Variants in KALRN observed in about 807,000 individuals in gnomAD.
The protein encoded by KALRN is kalirin.
A neutral mutation model predicts 353.7 loss-of-function variants in KALRN; 70 were observed. The ratio of observed to expected loss-of-function variants is 0.20; its 90% CI spans 0.16 to 0.24. The LOEUF (loss-of-function observed/expected upper bound fraction) is 0.24, where lower values mean the gene tolerates loss of function less well. KALRN is among the 10% of genes least tolerant of loss of function. The pLI is 1.00. For missense variants in KALRN, 2,791 were observed against 3,756.7 expected (o/e 0.74, Z 6.72); for synonymous variants, 1,391 against 1,434.8 (o/e 0.97, Z 0.69).
intron 10 of KALRN, among the ~76,000 whole-genome samples, chr3:124,354,098 ATAT>A (rs2149615348): frequency 6.6e-6 from 1 of 152,364 alleles, no homozygotes; most frequent in African/African-American, 2.4e-5. Context: ...AATATCCAAG[ATAT>A]TATAGAGAGC....
At chr3:124,530,048 T>C (rs1443102545) in intron 33 of KALRN, among the ~76,000 whole-genome samples, 2 of 152,114 alleles carry the variant, frequency 1.3e-5, no homozygotes, top group African/African-American at 2.4e-5. Flanking sequence ...CTCCAGGAAA[T>C]GAAAATGTGA....
chr3:124,098,182 G>A (rs1409413500), intron 1 of KALRN, among the ~76,000 whole-genome samples: 2 of 152,188 alleles, frequency 1.3e-5, no homozygotes, highest in African/African-American at 4.8e-5. Context: ...CCCAGCATGT[G>A]GGAATGTCCA....
At chr3:124,226,332 G>A (rs1223952154) in intron 1 of KALRN, among the ~76,000 whole-genome samples, 1 of 152,162 alleles carries the variant, frequency 6.6e-6, no homozygotes, top group Admixed American at 6.5e-5. Context: ...ATAAATATCT[G>A]TAGAAACAGG....
chr3:124,291,855 T>C (rs1195919254), intron 5 of KALRN, among the ~76,000 whole-genome samples: 2 of 152,132 alleles, frequency 1.3e-5, no homozygotes, highest in Non-Finnish European at 2.9e-5. Flanking sequence ...CCAACTGACA[T>C]GCCAAAAACA....
chr3:124,384,682 C>G, intron 10 of KALRN, 163 bp from the exon 11 acceptor site: 1 of 590,324 alleles, frequency 1.7e-6, no homozygotes, highest in Admixed American at 3.3e-5. Flanking sequence ...TGCTCGCTTG[C>G]TGAGAGGCGG....
chr3:124,154,837 A>C (rs1261073484), intron 1 of KALRN, among the ~76,000 whole-genome samples: 2 of 152,212 alleles, frequency 1.3e-5, no homozygotes, highest in East Asian at 1.9e-4. Context: ...AGCTGGAGGC[A>C]TCATGCTACC....
rs970560022 is a variant in KALRN, at chr3:124,666,489, C to T, written c.6386C>T (p.Thr2129Ile). The change falls in exon 46 of 60, where the codon ACA becomes ATA. Residue 2129 changes from threonine (T) to isoleucine (I), a missense_variant. Thr to Ile is a moderately conservative substitution (Grantham distance 89, BLOSUM62 -1). Transcript: ENST00000682506. ...TAQGKLLQQD[T>I]FYVIELDAGM... ...CAGGGGAAGCTGCTGCAGCAGGACA[C>T]ATTCTATGTGATCGAGCTGGATGCA... is the stretch of plus-strand genomic sequence containing the variant. The T allele has an allele frequency of 6.2e-7, 1 of 1,614,054 alleles. No homozygotes were observed. Among genetic ancestry groups the T allele is most frequent in the Non-Finnish European group, 8.5e-7 (1 of 1,179,900 alleles).
intron 1 of KALRN, among the ~76,000 whole-genome samples, chr3:124,161,397 C>T (rs1352456685): frequency 2.6e-5 from 4 of 152,156 alleles, no homozygotes; most frequent in Non-Finnish European, 4.4e-5. Context: ...AATTATGTCA[C>T]AATAATGGAA....
intron 34 of KALRN, among the ~76,000 whole-genome samples, chr3:124,563,672 T>G (rs2072347510): frequency 1.3e-5 from 2 of 152,212 alleles, no homozygotes; most frequent in Non-Finnish European, 2.9e-5. Context: ...AGCTCTGTGT[T>G]CCCTTCACAT....
intron 37 of KALRN, among the ~76,000 whole-genome samples, chr3:124,642,806 G>GTTGTTTTTTTTT (rs796628603): frequency 0.017 from 1,650 of 96,490 alleles, 137 homozygotes; most frequent in Middle Eastern, 0.038. Context: ...CCCAAGCCTC[G>GTTGTTTTTTTTT]TTTTTTTTTT....
At chr3:124,312,254 G>A (rs1178544160) in intron 6 of KALRN, among the ~76,000 whole-genome samples, 1 of 152,062 alleles carries the variant, frequency 6.6e-6, no homozygotes, top group Non-Finnish European at 1.5e-5. Context: ...TCTGCCTCCC[G>A]GGTTCAAGTG....
At chr3:124,499,857 T>A (rs139167390) in intron 33 of KALRN, among the ~76,000 whole-genome samples, 1 of 152,226 alleles carries the variant, frequency 6.6e-6, no homozygotes, top group African/African-American at 2.4e-5. Context: ...CTCCAAATCA[T>A]CTCTGATTAG....
chr3:124,442,035 C>G lies in KALRN; in HGVS notation c.3289C>G (p.Arg1097Gly). The change falls in exon 19 of 60, where the codon CGG (arginine) becomes GGG (glycine). Residue 1097 changes from arginine to glycine, a missense_variant. Transcript: ENST00000682506. ...CATGCCCAGTGTCGCCAGCCACACT[C>G]GGGGACCCGAGCAACAAGTGAAAGG... ...VSMPSVASHT[R>G]GPEQQVKAIL... 5 of 1,602,952 alleles carry G rather than the reference C, an allele frequency of 3.1e-6. No homozygotes were observed. The highest frequency in any genetic ancestry group is 4.3e-6 in the Non-Finnish European group (5 of 1,171,986).
chr3:124,422,932 T>A lies in KALRN; in HGVS notation c.2663T>A (p.Leu888Gln). The A allele has an allele frequency of 6.2e-7, 1 of 1,613,792 alleles. No individual in the cohort carries two copies. Among genetic ancestry groups the A allele is most frequent in the Middle Eastern group, 1.7e-4 (1 of 6,054 alleles). The stretch of plus-strand genomic sequence containing the variant: ...AATGCAGAGCAGACTCATAAGCGGC[T>A]AGAGCAGTGCCTCCAATTACGTCAC... ...ELNAEQTHKRLEQCLQLRHLQ... is the reference protein window; with the variant it reads ...ELNAEQTHKRQEQCLQLRHLQ... Residue 888 changes from leucine (L) to glutamine (Q), a missense_variant, in exon 15 of 60, where the codon CTA becomes CAA. By Grantham distance (113) the Leu-to-Gln change is moderately radical. This residue lies in a region of KALRN where 452 missense variants were observed against 575.8 expected (regional missense o/e 0.78). Transcript: ENST00000682506.
chr3:124,447,657 T>C (rs2093884831), intron 21 of KALRN, among the ~76,000 whole-genome samples: 1 of 152,162 alleles, frequency 6.6e-6, no homozygotes, highest in Non-Finnish European at 1.5e-5. Context: ...TAAGAGATGT[T>C]CTTGTTGGGG....
chr3:124,190,223 G>A (rs941103989), intron 1 of KALRN, among the ~76,000 whole-genome samples: 13 of 152,156 alleles, frequency 8.5e-5, no homozygotes, highest in Admixed American at 3.9e-4. Context: ...TAGTGTGAAA[G>A]CCCAGAAGCT....
intron 1 of KALRN, among the ~76,000 whole-genome samples, chr3:124,068,654 G>C (rs1245128680): frequency 6.6e-6 from 1 of 152,200 alleles, no homozygotes; most frequent in Non-Finnish European, 1.5e-5. Flanking sequence ...CCTCTGCCCT[G>C]CCATGTCTGG....
chr3:124,634,331 T>G (rs1339895780), intron 36 of KALRN, among the ~76,000 whole-genome samples: 1 of 152,238 alleles, frequency 6.6e-6, no homozygotes, highest in African/African-American at 2.4e-5. Flanking sequence ...TTGTTTTCCC[T>G]ATAGTCAACT....
At chr3:124,499,485 T>G (rs894741076) in intron 33 of KALRN, among the ~76,000 whole-genome samples, 1 of 152,244 alleles carries the variant, frequency 6.6e-6, no homozygotes, top group African/African-American at 2.4e-5. Context: ...TTAGATACTA[T>G]GAATAAGACT....
Sources: gnomAD v4.1 joint callset for allele counts (sites outside exome capture counted in the v4.1 genomes callset) on GRCh38, gnomAD v4.1.1 for gene constraint, gnomAD v4.1.1 regional missense constraint, MANE v1.5 for transcripts, NCBI Gene and HGNC (gene_info 2026-07-23, HGNC 2026-07-21) for gene names.